Variants in SMYD3 observed in about 807,000 individuals in gnomAD.
SMYD3 encodes histone-lysine N-methyltransferase SMYD3.
Under a neutral mutation model 57.7 loss-of-function variants are expected in SMYD3, and 36 were observed. That is an observed-to-expected ratio of 0.62 (90% CI 0.48 to 0.82). The LOEUF (loss-of-function observed/expected upper bound fraction) is 0.82. Ranked by LOEUF, SMYD3 falls within the 40% of genes least tolerant of loss-of-function variation. The pLI is 0.00. For synonymous variants in SMYD3, 211 were observed against 195.0 expected (o/e 1.08, Z -0.68); for missense variants, 515 against 538.8 (o/e 0.96, Z 0.44).
At chr1:245,972,433 ACAACCTCATCATCTAGGG>A (rs2058324873) in intron 5 of SMYD3, among the ~76,000 whole-genome samples, 1 of 152,224 alleles carries the variant, frequency 6.6e-6, no homozygotes, top group Non-Finnish European at 1.5e-5. Context: ...CCTCCCCCTT[ACAACCTCATCATCTAGGG>A]CAAGTTGAGT....
chr1:246,112,683 A>G (rs947100657), intron 5 of SMYD3, among the ~76,000 whole-genome samples: 1 of 152,250 alleles, frequency 6.6e-6, no homozygotes, highest in Non-Finnish European at 1.5e-5. Context: ...TTGTTTCACT[A>G]TCAAAAGACA....
At chr1:246,043,929 A>C (rs1173905664) in intron 5 of SMYD3, among the ~76,000 whole-genome samples, 1 of 152,150 alleles carries the variant, frequency 6.6e-6, no homozygotes, top group African/African-American at 2.4e-5. Context: ...CTCCAGGTAC[A>C]GGGAAGCCTG....
chr1:246,374,382 G>A (rs2066237759), intron 1 of SMYD3, among the ~76,000 whole-genome samples: 1 of 152,122 alleles, frequency 6.6e-6, no homozygotes, highest in Non-Finnish European at 1.5e-5. Context: ...AATGTGTGTC[G>A]CCCAATATGT....
intron 5 of SMYD3, among the ~76,000 whole-genome samples, chr1:246,167,512 CTTTTTTTTTTTTTTT>C (rs2062238377): frequency 7.3e-6 from 1 of 137,822 alleles, no homozygotes; most frequent in Non-Finnish European, 1.6e-5. Flanking sequence ...GTTTTTTTTT[CTTTTTTTTTTTTTTT>C]GAAGACGGAG....
At chr1:246,176,319 C>T (rs1010014306) in intron 5 of SMYD3, among the ~76,000 whole-genome samples, 2 of 152,070 alleles carry the variant, frequency 1.3e-5, no homozygotes, top group Non-Finnish European at 2.9e-5. Flanking sequence ...CACCACTGTC[C>T]GGCTCTTAAG....
In SMYD3 at chr1:246,283,339, G is replaced by A. The variant is rs368870923; in HGVS notation, c.531+43862C>T. 1.0e-3 allele frequency among the ~76,000 whole-genome samples: 154 copies of A among 152,290 alleles called. 1 individual carries two copies. Among genetic ancestry groups the A allele is most frequent in the African/African-American group, 3.7e-3 (153 of 41,572 alleles). On this transcript the variant is annotated intron_variant, in intron 5 of 11. Coordinates refer to ENST00000490107, the MANE Select transcript of SMYD3 (RefSeq NM_001167740.2). The stretch of plus-strand genomic sequence containing the variant: ...GAACCTATGTGTTTCATGAGCATGA[G>A]CTATTGCCATTATTACATCCCCTTT...
intron 1 of SMYD3, among the ~76,000 whole-genome samples, chr1:246,473,431 A>T (rs982950422): frequency 6.6e-6 from 1 of 152,200 alleles, no homozygotes; most frequent in African/African-American, 2.4e-5. Context: ...ATCTCAGAGA[A>T]GAAAGTGTTT....
intron 1 of SMYD3, among the ~76,000 whole-genome samples, chr1:246,421,980 G>A (rs911653036): frequency 4.6e-5 from 7 of 152,162 alleles, no homozygotes; most frequent in Non-Finnish European, 1.0e-4. Context: ...GCACATTCAA[G>A]TGCTCATCTC....
chr1:246,249,522 T>G (rs1375916172), intron 5 of SMYD3, among the ~76,000 whole-genome samples: 4 of 136,304 alleles, frequency 2.9e-5, no homozygotes, highest in African/African-American at 1.0e-4. Context: ...AGTTTTTTGT[T>G]TTTTTTGTAT....
intron 5 of SMYD3, among the ~76,000 whole-genome samples, chr1:246,026,654 C>T (rs150053937): frequency 1.3e-5 from 2 of 152,314 alleles, no homozygotes; most frequent in South Asian, 2.1e-4. Context: ...CCATATGAGA[C>T]AGTTAACTTA....
At chr1:245,921,317 T>C (rs1252385678) in intron 7 of SMYD3, among the ~76,000 whole-genome samples, 3 of 152,176 alleles carry the variant, frequency 2.0e-5, no homozygotes, top group Admixed American at 1.3e-4. Context: ...GGAACACTTA[T>C]ACACTATTGG....
rs113420223 is a variant in SMYD3 at position 245,880,278 on chromosome 1, G to A, written c.814-16392C>T. On this transcript the variant is annotated intron_variant, in intron 8 of 11. Transcript: ENST00000490107. ...AAATATTATTAACACCATATTGTTC[G>A]ATTTCAACCAGGATTTGTTAATATC... Among the ~76,000 whole-genome samples the A allele has an allele frequency of 4.7e-3, 718 of 152,314 alleles. 10 individuals carry two copies. The highest frequency in any genetic ancestry group is 0.022 in the East Asian group (115 of 5,182).
intron 5 of SMYD3, among the ~76,000 whole-genome samples, chr1:245,984,321 C>CA (rs979544411): frequency 6.6e-6 from 1 of 152,186 alleles, no homozygotes; most frequent in African/African-American, 2.4e-5. Flanking sequence ...TCTCAGGATT[C>CA]AATGGACAAA....
intron 1 of SMYD3, among the ~76,000 whole-genome samples, chr1:246,422,473 G>A (rs2067158183): frequency 6.6e-6 from 1 of 151,926 alleles, no homozygotes; most frequent in African/African-American, 2.4e-5. Context: ...CACCCAGGCT[G>A]GAGTGCAGTG....
At chr1:246,473,180 A>C (rs2067983326) in intron 1 of SMYD3, among the ~76,000 whole-genome samples, 2 of 152,058 alleles carry the variant, frequency 1.3e-5, no homozygotes, top group Admixed American at 6.6e-5. Flanking sequence ...TCATTCCCTC[A>C]TTTGGTAGGT....
chr1:245,860,383 A>C (rs1371504476), intron 9 of SMYD3, among the ~76,000 whole-genome samples: 1 of 152,222 alleles, frequency 6.6e-6, no homozygotes, highest in African/African-American at 2.4e-5. Flanking sequence ...GGCTTTCTGA[A>C]ACATTAGCAA....
intron 5 of SMYD3, among the ~76,000 whole-genome samples, chr1:246,248,308 AAC>A (rs2063741799): frequency 6.6e-6 from 1 of 151,780 alleles, no homozygotes; most frequent in Non-Finnish European, 1.5e-5. Context: ...GTCTTCACAA[AAC>A]ACACGCTGGG....
intron 4 of SMYD3, among the ~76,000 whole-genome samples, chr1:246,327,817 A>C (rs79589520): frequency 0.031 from 4,770 of 152,314 alleles, 94 homozygotes; most frequent in Non-Finnish European, 0.04. Flanking sequence ...AAATAGGTTA[A>C]ATTTGTCATA....
intron 5 of SMYD3, among the ~76,000 whole-genome samples, chr1:246,036,559 G>A (rs571124196): frequency 4.6e-5 from 5 of 109,656 alleles, no homozygotes; most frequent in Non-Finnish European, 8.2e-5. Flanking sequence ...TTTTTGTTTT[G>A]TTTTGTTTTT....
Sources: gnomAD v4.1 joint callset for allele counts (sites outside exome capture counted in the v4.1 genomes callset) on GRCh38, gnomAD v4.1.1 for gene constraint, MANE v1.5 for transcripts, NCBI Gene and HGNC (gene_info 2026-07-23, HGNC 2026-07-21) for gene names.